Variants in AACS observed in about 807,000 individuals in gnomAD.
AACS encodes the protein acetoacetyl-CoA synthetase.
AACS carries 69 observed loss-of-function variants against 83.1 expected under a neutral mutation model. The ratio of observed to expected loss-of-function variants is 0.83; its 90% CI spans 0.68 to 1.01. The LOEUF is 1.01. Ranked by LOEUF, AACS falls within the 50% of genes least tolerant of loss-of-function variation. AACS has a pLI of 0.00. For synonymous variants in AACS, 333 were observed against 343.4 expected (o/e 0.97, Z 0.33); for missense variants, 866 against 882.2 (o/e 0.98, Z 0.23).
chr12:125,068,312 A>T (rs1435029659), intron 1 of AACS, among the ~76,000 whole-genome samples: 1 of 152,124 alleles, frequency 6.6e-6, no homozygotes, highest in Non-Finnish European at 1.5e-5. Context: ...ACAAAAAATT[A>T]TCTGGGTGTG....
chr12:125,136,974 C>T, intron 17 of AACS, 110 bp downstream of exon 17: 1 of 1,156,788 alleles, frequency 8.6e-7, no homozygotes, highest in South Asian at 1.5e-5. Flanking sequence ...TATCGTTTGT[C>T]CACGTTGCCT....
chr12:125,072,056 C>T (rs1955880481), intron 1 of AACS, among the ~76,000 whole-genome samples: 1 of 152,060 alleles, frequency 6.6e-6, no homozygotes, highest in African/African-American at 2.4e-5. Flanking sequence ...GGGATTTCAC[C>T]ATGTTGGTCA....
intron 3 of AACS, among the ~76,000 whole-genome samples, chr12:125,082,716 G>A (rs532679275): frequency 2.6e-5 from 4 of 152,232 alleles, no homozygotes; most frequent in Non-Finnish European, 5.9e-5. Flanking sequence ...AGCTACTCGG[G>A]AGGCTGAGGC....
intron 15 of AACS, 147 bp from the exon 16 acceptor site, chr12:125,134,647 A>G: frequency 1.3e-6 from 1 of 782,662 alleles, no homozygotes; most frequent in Non-Finnish European, 2.1e-6. Flanking sequence ...GCCGGGTGGT[A>G]GGGCAAGGAG....
chr12:125,134,745 G>A, intron 15 of AACS, 49 bp from the exon 16 acceptor site: 1 of 1,609,742 alleles, frequency 6.2e-7, no homozygotes, highest in Admixed American at 1.7e-5. Context: ...CCTGGGACTT[G>A]CTTCACTCCA....
rs1460484300 is a variant in AACS, at chr12:125,118,097, G to A, written c.997-544G>A. 3.3e-5 allele frequency: 5 copies of A among 153,178 alleles called. No individual in the cohort carries two copies. The East Asian group carries it at 5.8e-4, about 18-fold the overall frequency. 9.5% of individuals were successfully genotyped at this position (153,178 alleles called of 1,614,324 possible). A position where few individuals can be genotyped will look rare whatever the true frequency, so the allele number is the denominator to read the frequency against. Reference sequence around the variant, plus strand: ...GTAGGTGTGGGTGGGCCCTCCAGGGGACGCTGGTTTTGGGTCACTGTAGCC... The same window carrying A: ...GTAGGTGTGGGTGGGCCCTCCAGGGAACGCTGGTTTTGGGTCACTGTAGCC... On this transcript the variant is annotated intron_variant, in intron 9 of 17. Coordinates refer to ENST00000316519, the MANE Select transcript of AACS (RefSeq NM_023928.5).
Position 125,129,428 on chromosome 12 carries a change from A to G in AACS, c.1517A>G (p.Lys506Arg), listed in dbSNP as rs780231492. 60 of 1,614,004 alleles carry G rather than the reference A, an allele frequency of 3.7e-5. No individual in the cohort carries two copies. The South Asian group carries it at 6.4e-4, about 17-fold the overall frequency. Residue 506 changes from lysine to arginine, a missense_variant, in exon 14 of 18, where the codon AAG becomes AGG. Lys to Arg is a conservative substitution (Grantham distance 26). Transcript: ENST00000316519. The surrounding 1 kb of genome is among the most constrained non-coding windows in gnomAD (Gnocchi z 4.3). ...TTCTGGAACGATGAGAACGGCAACA[A>G]GTACAGGAAGGCGTATTTCTCCAAA... ...THFWNDENGN[K>R]YRKAYFSKFP...
At chr12:125,112,006 C>T (rs971209974) in intron 8 of AACS, among the ~76,000 whole-genome samples, 8 of 152,156 alleles carry the variant, frequency 5.3e-5, no homozygotes, top group Admixed American at 6.5e-5. Context: ...CAGCAGACCA[C>T]GTGAGCGAAG....
In AACS at chr12:125,097,013, A is replaced by G. The variant is rs1032019337; in HGVS notation, c.570+5490A>G. ...TCTCAGTCCAGGAGGGTTTGGTGCCAGGAAGGGCCATTTCTGGGCATTCTG... is the reference window on the plus strand; with the variant it reads ...TCTCAGTCCAGGAGGGTTTGGTGCCGGGAAGGGCCATTTCTGGGCATTCTG... On this transcript the variant is annotated intron_variant, in intron 5 of 17. Coordinates refer to ENST00000316519, the MANE Select transcript of AACS (RefSeq NM_023928.5). The surrounding 1 kb of genome is among the most constrained non-coding windows in gnomAD (Gnocchi z 4.3). Among the ~76,000 whole-genome samples the G allele has an allele frequency of 3.9e-5, 6 of 152,116 alleles. No homozygotes were observed. Among genetic ancestry groups the G allele is most frequent in the African/African-American group, 1.4e-4 (6 of 41,420 alleles).
In AACS at chr12:125,118,586, C is replaced by T. The variant is rs570735543; in HGVS notation, c.997-55C>T. The T allele has an allele frequency of 2.9e-5, 46 of 1,603,310 alleles. No homozygotes were observed. The Middle Eastern group carries it at 6.6e-4, about 23-fold the overall frequency. ...GGGACACAGGAAGCTGAGGGGGCAGCGCTGGGGGGAGCTGCCTAGCGCCCG... is the reference window on the plus strand; with the variant it reads ...GGGACACAGGAAGCTGAGGGGGCAGTGCTGGGGGGAGCTGCCTAGCGCCCG... On this transcript the variant is annotated intron_variant, in intron 9 of 17. Transcript: ENST00000316519.
In AACS at chr12:125,065,733, G is replaced by A; in HGVS notation, c.133+16G>A. Reference sequence around the variant, plus strand: ...CTGGCGCTGGGTGAGAGTCGGGCGCGCGGCCGGGCCTGCGGGGGATGGGCG... The same window carrying A: ...CTGGCGCTGGGTGAGAGTCGGGCGCACGGCCGGGCCTGCGGGGGATGGGCG... On this transcript the variant is annotated intron_variant, in intron 1 of 17. Coordinates refer to ENST00000316519, the MANE Select transcript of AACS (RefSeq NM_023928.5). 1 of 1,521,092 alleles carries A rather than the reference G, an allele frequency of 6.6e-7. No homozygotes were observed. Among genetic ancestry groups the A allele is most frequent in the East Asian group, 2.6e-5 (1 of 38,694 alleles). The allele number at this position is 1,521,092 out of a possible 1,614,324, so 94.2% of individuals were successfully genotyped here. A position where few individuals can be genotyped will look rare whatever the true frequency, so the allele number is the denominator to read the frequency against.
intron 1 of AACS, among the ~76,000 whole-genome samples, chr12:125,069,117 A>T (rs149025695): frequency 0.024 from 3,699 of 152,282 alleles, 161 homozygotes; most frequent in African/African-American, 0.083. Flanking sequence ...CTGGGATTAC[A>T]GGCGTGAGCC....
At chr12:125,085,226 T>C (rs988230944) in intron 3 of AACS, among the ~76,000 whole-genome samples, 1 of 152,284 alleles carries the variant, frequency 6.6e-6, no homozygotes, top group African/African-American at 2.4e-5. Context: ...TTCATCCATG[T>C]CTATTTCCTG....
chr12:125,114,373 G>T, intron 8 of AACS, 104 bp from the exon 9 acceptor site: 1 of 851,070 alleles, frequency 1.2e-6, no homozygotes. Flanking sequence ...GGATCTGCTG[G>T]GGCTTCTTCC....
chr12:125,075,871 C>T (rs1265099878), intron 2 of AACS, among the ~76,000 whole-genome samples: 1 of 152,186 alleles, frequency 6.6e-6, no homozygotes, highest in South Asian at 2.1e-4. Flanking sequence ...GGATTACAGG[C>T]GTGAGCCACT....
At chr12:125,076,387 G>C (rs757389322) in intron 2 of AACS, 104 bp from the exon 3 acceptor site, 5 of 1,502,494 alleles carry the variant, frequency 3.3e-6, no homozygotes, top group Non-Finnish European at 4.5e-6. Context: ...TGGCTTCCTG[G>C]GAAGAAGAAC....
chr12:125,136,965 A>G (rs41519750), intron 17 of AACS, 101 bp downstream of exon 17: 5 of 1,266,642 alleles, frequency 3.9e-6, no homozygotes, highest in Non-Finnish European at 5.5e-6. Flanking sequence ...TGCTTTATAT[A>G]TCGTTTGTCC....
chr12:125,110,165 G>A (rs896106391), intron 8 of AACS, among the ~76,000 whole-genome samples: 1 of 150,546 alleles, frequency 6.6e-6, no homozygotes. Context: ...GATTATAGGC[G>A]CCCGCGACCA....
chr12:125,107,220 C>T lies in AACS; in HGVS notation c.867C>T (p.Phe289=). ...LPFSHPLFIM[F]SSGTTGAPKC... is the part of the protein sequence containing the mutation. ...TCAGCCACCCACTGTTCATCATGTT[C>T]TCATCGGGCACCACGGGCGCACCCA... The change falls in exon 8 of 18, where the codon TTC becomes TTT. Residue 289 remains phenylalanine (F), a synonymous_variant. Coordinates refer to ENST00000316519, the MANE Select transcript of AACS (RefSeq NM_023928.5). The T allele has an allele frequency of 6.2e-7, 1 of 1,614,124 alleles. No homozygotes were observed. The highest frequency in any genetic ancestry group is 8.5e-7 in the Non-Finnish European group (1 of 1,180,046).
Sources: allele counts gnomAD v4.1 joint callset (sites outside exome capture counted in the v4.1 genomes callset), GRCh38; gene constraint gnomAD v4.1.1; non-coding constraint Gnocchi (gnomAD v3.1); transcripts MANE v1.5; gene names NCBI Gene and HGNC (gene_info 2026-07-23, HGNC 2026-07-21).